ADIPOR2: variants seen among roughly 807,000 people sequenced by gnomAD.
The protein encoded by ADIPOR2 is adiponectin receptor 2, also known as adiponectin receptor protein 2.
ADIPOR2 carries 18 observed loss-of-function variants against 40.9 expected under a neutral mutation model. The observed-to-expected ratio is 0.44, with a 90% CI of 0.30 to 0.65. The LOEUF (loss-of-function observed/expected upper bound fraction) is 0.65. Among genes scored for constraint, ADIPOR2 ranks in the 30% least tolerant of loss-of-function variants. ADIPOR2 has a pLI of 0.09. For synonymous variants in ADIPOR2, 165 were observed against 166.4 expected (o/e 0.99, Z 0.06); for missense variants, 283 against 479.2 (o/e 0.59, Z 3.82).
At chr12:1,719,643 T>G (rs2154442072) in intron 1 of ADIPOR2, among the ~76,000 whole-genome samples, 1 of 152,210 alleles carries the variant, frequency 6.6e-6, no homozygotes, top group African/African-American at 2.4e-5. Context: ...GCTGCTCCTG[T>G]CATCCTCACT....
At chr12:1,694,279 T>C (rs1020676595) in intron 1 of ADIPOR2, among the ~76,000 whole-genome samples, 2 of 152,212 alleles carry the variant, frequency 1.3e-5, no homozygotes, top group Admixed American at 1.3e-4. Flanking sequence ...CTACTTACAT[T>C]ATTGCTCAGT....
chr12:1,767,161 C>T (rs1862399107), intron 2 of ADIPOR2, among the ~76,000 whole-genome samples: 1 of 151,308 alleles, frequency 6.6e-6, no homozygotes, highest in African/African-American at 2.4e-5. Context: ...ATCCCAGCTA[C>T]TCGGGAGGCT....
chr12:1,764,695 C>T (rs1281644504), intron 2 of ADIPOR2, among the ~76,000 whole-genome samples: 1 of 152,022 alleles, frequency 6.6e-6, no homozygotes, highest in Non-Finnish European at 1.5e-5. Flanking sequence ...ATAGTAACTG[C>T]CTATTCCCAC....
At chr12:1,711,613 CCTCTCTCTCTCTCT>C (rs3052417) in intron 1 of ADIPOR2, among the ~76,000 whole-genome samples, 3,702 of 149,868 alleles carry the variant, frequency 0.025, 71 homozygotes, top group Non-Finnish European at 0.034. Context: ...TTTGTCTCTT[CCTCTCTCTCTCTCT>C]CTCTCTCTCT....
chr12:1,780,728 A>G (rs1390113875), intron 5 of ADIPOR2, 91 bp downstream of exon 5: 1 of 1,414,066 alleles, frequency 7.1e-7, no homozygotes, highest in Non-Finnish European at 9.4e-7. Flanking sequence ...AATTCTTAAT[A>G]TCATCTCATG....
At chr12:1,723,789 T>C (rs974932941) in intron 1 of ADIPOR2, among the ~76,000 whole-genome samples, 1 of 152,032 alleles carries the variant, frequency 6.6e-6, no homozygotes, top group Non-Finnish European at 1.5e-5. Context: ...GAATTAAAAA[T>C]AGAATTACCC....
At chr12:1,771,501 T>C in intron 2 of ADIPOR2, among the ~76,000 whole-genome samples, 1 of 152,120 alleles carries the variant, frequency 6.6e-6, no homozygotes, top group Admixed American at 6.5e-5. Flanking sequence ...TGAAGGTTAG[T>C]CATTGAAGGA....
At chr12:1,732,937 A>G (rs1226778156) in intron 1 of ADIPOR2, among the ~76,000 whole-genome samples, 3 of 152,134 alleles carry the variant, frequency 2.0e-5, no homozygotes, top group South Asian at 2.1e-4. Context: ...TTGCTTTAGG[A>G]TAAAATTCAA....
At chr12:1,783,786 C>G (rs767744800) in intron 6 of ADIPOR2, 94 bp from the exon 7 acceptor site, 20 of 1,037,590 alleles carry the variant, frequency 1.9e-5, no homozygotes, top group Non-Finnish European at 2.6e-5. Flanking sequence ...TTGAAATATT[C>G]AGTTTACAGA....
At chr12:1,729,291 G>A (rs908915000) in intron 1 of ADIPOR2, among the ~76,000 whole-genome samples, 1 of 151,742 alleles carries the variant, frequency 6.6e-6, no homozygotes, top group African/African-American at 2.4e-5. Context: ...TTTGGAGAAA[G>A]GAAATATTTC....
intron 1 of ADIPOR2, among the ~76,000 whole-genome samples, chr12:1,739,636 T>G (rs985691596): frequency 2.6e-5 from 4 of 152,210 alleles, no homozygotes; most frequent in Admixed American, 2.6e-4. Context: ...ACTAGCTGAG[T>G]TGAGTTTTTT....
intron 1 of ADIPOR2, among the ~76,000 whole-genome samples, chr12:1,731,777 T>C (rs1158080264): frequency 4.6e-5 from 7 of 152,202 alleles, no homozygotes; most frequent in Non-Finnish European, 8.8e-5. Flanking sequence ...CTGGCCAACA[T>C]GGTGAAACCC....
chr12:1,752,539 C>T (rs2094771728), intron 1 of ADIPOR2, among the ~76,000 whole-genome samples: 1 of 152,104 alleles, frequency 6.6e-6, no homozygotes, highest in African/African-American at 2.4e-5. Context: ...TTTACTCACC[C>T]CAGTCTTAAT....
intron 2 of ADIPOR2, among the ~76,000 whole-genome samples, chr12:1,755,149 A>G (rs1207570486): frequency 0.2 from 18,538 of 91,528 alleles, 4,085 homozygotes; most frequent in Non-Finnish European, 0.34. Flanking sequence ...GTGCGATCTC[A>G]GCTCACTGCA....
Position 1,786,102 on chromosome 12 carries a change from T to G in ADIPOR2, c.*30T>G. The G allele has an allele frequency of 6.2e-7, 1 of 1,604,708 alleles. No homozygotes were observed. Among genetic ancestry groups the G allele is most frequent in the Non-Finnish European group, 8.5e-7 (1 of 1,176,060 alleles). ...TACCAGTCTCCAGGGACTATGACCC[T>G]AAACCAGGGCCTGCGGCACTTGCGG... is the stretch of plus-strand genomic sequence containing the variant. On this transcript the variant is annotated 3_prime_UTR_variant, in exon 8 of 8. Transcript: ENST00000357103.
chr12:1,786,176 T>TCC lies in ADIPOR2; in HGVS notation c.*104_*105insCC. 1 of 1,474,172 alleles carries TCC rather than the reference T, an allele frequency of 6.8e-7. No homozygotes were observed. The highest frequency in any genetic ancestry group is 9.1e-7 in the Non-Finnish European group (1 of 1,096,504). 91.3% of individuals were successfully genotyped at this position (1,474,172 alleles called of 1,614,324 possible). A position where few individuals can be genotyped will look rare whatever the true frequency, so the allele number is the denominator to read the frequency against. ...CAGTACCAGAGGAGCCCCAAAACTT[T>TCC]GACAGCCTCGTGGGCTTTGTGACGG... On this transcript the variant is annotated 3_prime_UTR_variant, in exon 8 of 8. Coordinates refer to ENST00000357103, the MANE Select transcript of ADIPOR2 (RefSeq NM_024551.3).
chr12:1,753,636 A>C (rs1213762023), intron 1 of ADIPOR2, among the ~76,000 whole-genome samples: 1 of 152,204 alleles, frequency 6.6e-6, no homozygotes, highest in African/African-American at 2.4e-5. Context: ...TGTGCTTATA[A>C]ATTTGAAGAC....
At chr12:1,747,632 TA>T (rs1401103319) in intron 1 of ADIPOR2, among the ~76,000 whole-genome samples, 4 of 152,196 alleles carry the variant, frequency 2.6e-5, no homozygotes, top group African/African-American at 9.6e-5. Context: ...TATTGCTTTT[TA>T]AAATCTGAGA....
At chr12:1,732,781 A>G in intron 1 of ADIPOR2, among the ~76,000 whole-genome samples, 1 of 152,312 alleles carries the variant, frequency 6.6e-6, no homozygotes, top group East Asian at 1.9e-4. Context: ...AACATAAACA[A>G]TCTTCATGCT....
Sources: allele counts gnomAD v4.1 joint callset (sites outside exome capture counted in the v4.1 genomes callset), GRCh38; gene constraint gnomAD v4.1.1; transcripts MANE v1.5; gene names NCBI Gene and HGNC (gene_info 2026-07-23, HGNC 2026-07-21).